The following PGAM5 variants were observed in gnomAD, a reference collection of about 807,000 sequenced individuals.
PGAM5 encodes the protein PGAM family member 5, mitochondrial serine/threonine protein phosphatase, also known as serine/threonine-protein phosphatase PGAM5, mitochondrial.
A neutral mutation model predicts 30.6 loss-of-function variants in PGAM5; 25 were observed. The ratio of observed to expected loss-of-function variants is 0.82; its 90% confidence interval spans 0.60 to 1.14. PGAM5 has a LOEUF of 1.14. Among genes scored for constraint, PGAM5 ranks in the 50% most tolerant of loss-of-function variants. The pLI, the probability that PGAM5 is intolerant of heterozygous loss-of-function variation, is 0.00. For missense variants in PGAM5, 384 were observed against 408.5 expected (o/e 0.94, Z 0.52); for synonymous variants, 201 against 179.1 (o/e 1.12, Z -0.98).
At position 132,718,837 on chromosome 12, in the gene PGAM5, G is replaced by C. The variant is rs188464873; in HGVS notation, c.719+717G>C. On this transcript the variant is annotated intron_variant, in intron 5 of 5. Transcript: ENST00000498926. Reference sequence around the variant, plus strand: ...CTCTTTCACTTGCTGATCTGTGGGCGCTCCCACCCGTGTGCCAGCGTGACG... The same window carrying C: ...CTCTTTCACTTGCTGATCTGTGGGCCCTCCCACCCGTGTGCCAGCGTGACG... 6,323 of 1,613,220 alleles carry C rather than the reference G, an allele frequency of 3.9e-3. 18 individuals are homozygous for C. Among genetic ancestry groups the C allele is most frequent in the Non-Finnish European group, 5.0e-3 (5,840 of 1,179,784 alleles).
At chr12:132,716,287 G>C (rs941036839) in intron 2 of PGAM5, among the ~76,000 whole-genome samples, 4 of 151,776 alleles carry the variant, frequency 2.6e-5, no homozygotes, top group Non-Finnish European at 5.9e-5. Context: ...GGGTTTCACC[G>C]TGTTAGCCAG....
chr12:132,716,785 T>C (rs1204433236), intron 2 of PGAM5, among the ~76,000 whole-genome samples: 1 of 152,134 alleles, frequency 6.6e-6, no homozygotes, highest in Non-Finnish European at 1.5e-5. Context: ...AAAGTTCAGA[T>C]AGTAAAAATG....
intron 2 of PGAM5, among the ~76,000 whole-genome samples, chr12:132,717,141 C>T (rs541826904): frequency 1.6e-4 from 25 of 152,326 alleles, no homozygotes; most frequent in East Asian, 9.7e-4. Flanking sequence ...AGCCACCATC[C>T]GGTTTGCTTG....
intron 5 of PGAM5, chr12:132,719,257 A>G (rs1442601974): frequency 3.6e-6 from 4 of 1,115,794 alleles, no homozygotes; most frequent in East Asian, 1.5e-4. Context: ...CTGTGGTGGG[A>G]GGACAGGACG....
intron 1 of PGAM5, among the ~76,000 whole-genome samples, chr12:132,713,828 C>T (rs1316144372): frequency 4.6e-5 from 7 of 151,946 alleles, no homozygotes; most frequent in Non-Finnish European, 8.8e-5. Context: ...CCACCTTGCC[C>T]GGCTAATTTT....
chr12:132,719,691 C>T (rs1486970684), intron 5 of PGAM5, among the ~76,000 whole-genome samples: 3 of 152,246 alleles, frequency 2.0e-5, no homozygotes, highest in Admixed American at 6.5e-5. Context: ...GGGCCAGGCA[C>T]GTGCACCTGG....
At chr12:132,714,167 G>A (rs1295907332) in intron 1 of PGAM5, among the ~76,000 whole-genome samples, 1 of 151,934 alleles carries the variant, frequency 6.6e-6, no homozygotes, top group African/African-American at 2.4e-5. Flanking sequence ...ACAGGCGTGT[G>A]CCACCAAGCC....
chr12:132,721,180 G>A lies in PGAM5; in HGVS notation c.*352G>A, dbSNP rs745987196. 2.2e-4 allele frequency: 41 copies of A among 184,050 alleles called. No homozygotes were observed. The highest frequency in any genetic ancestry group is 3.8e-4 in the Non-Finnish European group (34 of 89,102). 11.4% of individuals were successfully genotyped at this position (184,050 alleles called of 1,614,324 possible). On this transcript the variant is annotated 3_prime_UTR_variant, in exon 6 of 6. Coordinates refer to ENST00000498926, the MANE Select transcript of PGAM5 (RefSeq NM_001170543.2). Reference sequence around the variant, plus strand: ...TCCATTGGCAAAGCCGGTCAGGCACGAGGGCGACTGAGGCACGTGGATGAG... The same window carrying A: ...TCCATTGGCAAAGCCGGTCAGGCACAAGGGCGACTGAGGCACGTGGATGAG...
At chr12:132,718,415 G>GCGTCCGCACTGCCCTGGTTGTTTTCCCT (rs1385558344) in intron 5 of PGAM5, among the ~76,000 whole-genome samples, 1 of 47,358 alleles carries the variant, frequency 2.1e-5, no homozygotes, top group Admixed American at 2.0e-4. Context: ...TGCGTGCTGG[G>GCGTCCGCACTGCCCTGGTTGTTTTCCCT]TGGGGGTGTC....
rs760980958 is a variant in PGAM5 at position 132,717,131 on chromosome 12, A to G, written c.371-308A>G. Among the ~76,000 whole-genome samples the G allele has an allele frequency of 1.7e-3, 261 of 152,350 alleles. 2 individuals are homozygous for G. Among genetic ancestry groups the G allele is most frequent in the East Asian group, 2.3e-3 (12 of 5,176 alleles). On this transcript the variant is annotated intron_variant, in intron 2 of 5. Coordinates refer to ENST00000498926, the MANE Select transcript of PGAM5 (RefSeq NM_001170543.2). ...CCACCCCTGGGCCCCACCAAGCGCC[A>G]GCCACCATCCGGTTTGCTTGCTGCT...
At chr12:132,717,946 C>T in intron 4 of PGAM5, 41 bp from the exon 5 acceptor site, 1 of 1,610,324 alleles carries the variant, frequency 6.2e-7, no homozygotes, top group Non-Finnish European at 8.5e-7. Flanking sequence ...CCCGCCCTGC[C>T]CGAGCACTTC....
At chr12:132,719,395 A>T (rs1463361339) in intron 5 of PGAM5, among the ~76,000 whole-genome samples, 2 of 152,124 alleles carry the variant, frequency 1.3e-5, no homozygotes, top group Non-Finnish European at 2.9e-5. Context: ...AAAGTCGAGG[A>T]TGTACGGGCC....
At chr12:132,717,289 G>T in intron 2 of PGAM5, 150 bp from the exon 3 acceptor site, 1 of 959,980 alleles carries the variant, frequency 1.0e-6, no homozygotes, top group South Asian at 1.6e-5. Flanking sequence ...CTGATCAGGG[G>T]TCGTGTTTGC....
intron 2 of PGAM5, 29 bp downstream of exon 2, chr12:132,715,065 A>G: frequency 2.6e-6 from 4 of 1,565,162 alleles, no homozygotes; most frequent in Non-Finnish European, 3.5e-6. Context: ...TCCTCTGTGG[A>G]CCCTCGTGGT....
chr12:132,714,425 G>A (rs997078838), intron 1 of PGAM5, among the ~76,000 whole-genome samples: 2 of 152,176 alleles, frequency 1.3e-5, no homozygotes, highest in African/African-American at 4.8e-5. Context: ...GCTGCTGTTG[G>A]GCATTGCAGT....
intron 1 of PGAM5, among the ~76,000 whole-genome samples, chr12:132,713,025 T>TGGCTAATTAGCCA (rs2043537308): frequency 1.3e-5 from 2 of 151,990 alleles, no homozygotes; most frequent in African/African-American, 4.8e-5. Context: ...CCAGGCATGG[T>TGGCTAATTAGCCA]GGCATGCACC....
At position 132,721,022 on chromosome 12, in the gene PGAM5, A is replaced by G. The variant is rs2043639718; in HGVS notation, c.*194A>G. 1.6e-6 allele frequency: 1 copy of G among 639,730 alleles called. No individual in the cohort carries two copies. The allele number at this position is 639,730 out of a possible 1,614,324, so 39.6% of individuals were successfully genotyped here. A position where few individuals can be genotyped will look rare whatever the true frequency, so the allele number is the denominator to read the frequency against. ...TGCAGGGTTTTATACCTGACCATGA[A>G]CCCCCAGGATGGCGTGGGGTTTAAG... On this transcript the variant is annotated 3_prime_UTR_variant, in exon 6 of 6. Transcript: ENST00000498926.
At chr12:132,712,705 C>G (rs2043534913) in intron 1 of PGAM5, among the ~76,000 whole-genome samples, 1 of 152,076 alleles carries the variant, frequency 6.6e-6, no homozygotes, top group African/African-American at 2.4e-5. Context: ...ATCCTCCCAC[C>G]TCGGCCTCCC....
intron 2 of PGAM5, 46 bp downstream of exon 2, chr12:132,715,082 G>A (rs745607162): frequency 6.8e-5 from 101 of 1,481,354 alleles, no homozygotes; most frequent in Non-Finnish European, 8.2e-5. Flanking sequence ...TGGTTATGTG[G>A]CCAGGTGCAT....
Sources: gnomAD v4.1 joint callset for allele counts (sites outside exome capture counted in the v4.1 genomes callset) on GRCh38, gnomAD v4.1.1 for gene constraint, MANE v1.5 for transcripts, NCBI Gene and HGNC (gene_info 2026-07-23, HGNC 2026-07-21) for gene names.